The following NHSL1 variants were observed in gnomAD, a reference collection of about 807,000 sequenced individuals.
NHSL1 encodes NHS like 1, also known as NHS-like protein 1.
NHSL1 carries 48 observed loss-of-function variants against 95.0 expected under a neutral mutation model. The observed-to-expected ratio is 0.51, with a 90% CI of 0.40 to 0.64. The LOEUF (loss-of-function observed/expected upper bound fraction) is 0.64. Ranked by LOEUF, NHSL1 falls within the 30% of genes least tolerant of loss-of-function variation. The pLI is 0.00. For synonymous variants in NHSL1, 783 were observed against 833.9 expected, an observed-to-expected ratio of 0.94 and a Z score of 1.05; for missense variants, 1,971 against 2,077.7, an observed-to-expected ratio of 0.95 and a Z score of 1.00.
chr6:138,435,712 G>GT lies in NHSL1; in HGVS notation c.665-2033dup, dbSNP rs57274796. ...TTATTGTGCATTGCAGATAACTGGG[G>GT]TTTTTTTTTTTGTTTTTTTGTTTTT... On this transcript the variant is annotated intron_variant, in intron 5 of 7. Transcript: ENST00000343505. Among the ~76,000 whole-genome samples, 467 of 141,148 alleles carry GT rather than the reference G, an allele frequency of 3.3e-3. 1 individual carries two copies. Among genetic ancestry groups the GT allele is most frequent in the South Asian group, 8.5e-3 (37 of 4,376 alleles). 92.6% of individuals were successfully genotyped at this position (141,148 alleles called of 152,430 possible).
intron 1 of NHSL1, among the ~76,000 whole-genome samples, chr6:138,668,844 A>T (rs1398834177): frequency 6.6e-6 from 1 of 152,018 alleles, no homozygotes; most frequent in Non-Finnish European, 1.5e-5. Context: ...GGATGGTCTC[A>T]ATCTCCTGAC....
At chr6:138,551,176 T>C (rs529409436) in intron 1 of NHSL1, among the ~76,000 whole-genome samples, 1 of 152,328 alleles carries the variant, frequency 6.6e-6, no homozygotes, top group East Asian at 1.9e-4. Context: ...TAGGTATGGA[T>C]GTATAAGAAA....
At chr6:138,614,484 T>C (rs1029836940) in intron 1 of NHSL1, among the ~76,000 whole-genome samples, 3 of 152,190 alleles carry the variant, frequency 2.0e-5, no homozygotes, top group Non-Finnish European at 2.9e-5. Context: ...TGCAGCTGCA[T>C]AGTAACTCAA....
At chr6:138,502,518 T>C (rs1780742826), upstream of NHSL1, among the ~76,000 whole-genome samples, 1 of 152,206 alleles carries the variant, frequency 6.6e-6, no homozygotes, top group East Asian at 1.9e-4. Context: ...GGTACTATGT[T>C]GCCCGGCTGT....
chr6:138,640,003 A>C (rs1374220614), intron 1 of NHSL1, among the ~76,000 whole-genome samples: 1 of 151,900 alleles, frequency 6.6e-6, no homozygotes, highest in Non-Finnish European at 1.5e-5. Flanking sequence ...CACAGACTAT[A>C]ATCTCATGGA....
intron 1 of NHSL1, among the ~76,000 whole-genome samples, chr6:138,534,953 A>G (rs1367675740): frequency 6.6e-6 from 1 of 152,226 alleles, no homozygotes; most frequent in East Asian, 1.9e-4. Flanking sequence ...CTTAGAAAAC[A>G]GACTTTCTCC....
intron 1 of NHSL1, among the ~76,000 whole-genome samples, chr6:138,684,820 C>T (rs991133492): frequency 1.3e-5 from 2 of 152,202 alleles, no homozygotes; most frequent in East Asian, 1.9e-4. Flanking sequence ...AACAAGATGG[C>T]GGTCAGTACC....
chr6:138,691,061 C>A (rs1346889216), intron 1 of NHSL1, among the ~76,000 whole-genome samples: 1 of 152,198 alleles, frequency 6.6e-6, no homozygotes, highest in Admixed American at 6.5e-5. Flanking sequence ...CGTACCTACA[C>A]CCTAGACAGA....
Position 138,437,293 on chromosome 6 carries a change from A to G in NHSL1, c.665-3613T>C, listed in dbSNP as rs1321506674. 3.3e-5 allele frequency among the ~76,000 whole-genome samples: 4 copies of G among 120,474 alleles called. No individual in the cohort carries two copies. In the East Asian group the frequency reaches 9.3e-4, roughly 28 times the overall value. The allele number at this position is 120,474 out of a possible 152,430, so 79.0% of individuals were successfully genotyped here. The stretch of plus-strand genomic sequence containing the variant: ...CTGTCTCAAAAAAAAAAAATACACA[A>G]ATGTATATATATATATATATATATA... On this transcript the variant is annotated intron_variant, in intron 5 of 7. Coordinates refer to ENST00000343505, the MANE Select transcript of NHSL1 (RefSeq NM_001144060.2).
intron 2 of NHSL1, among the ~76,000 whole-genome samples, chr6:138,480,325 T>C (rs1779339644): frequency 6.6e-6 from 1 of 152,230 alleles, no homozygotes; most frequent in South Asian, 2.1e-4. Context: ...AGTATTGTAT[T>C]TTCCATTCGC....
At chr6:138,455,744 T>C (rs549820405) in intron 3 of NHSL1, among the ~76,000 whole-genome samples, 200 of 58,764 alleles carry the variant, frequency 3.4e-3, no homozygotes, top group African/African-American at 6.9e-3. Context: ...TGTACCCCGA[T>C]GAACAAGCTA....
intron 1 of NHSL1, among the ~76,000 whole-genome samples, chr6:138,691,555 C>T (rs1224591570): frequency 1.7e-4 from 26 of 152,184 alleles, no homozygotes; most frequent in Admixed American, 1.7e-3. Context: ...GCGTGTGTTA[C>T]ATCAACATCT....
chr6:138,496,482 G>C (rs1583303937), intron 1 of NHSL1, 111 bp from the exon 2 acceptor site: 1 of 948,358 alleles, frequency 1.1e-6, no homozygotes, highest in East Asian at 2.6e-5. Context: ...GGCCAGCAAG[G>C]GAGCAATGGA....
chr6:138,454,501 A>C (rs1435214203), intron 3 of NHSL1, among the ~76,000 whole-genome samples: 1 of 137,858 alleles, frequency 7.3e-6, no homozygotes, highest in Non-Finnish European at 1.5e-5. Flanking sequence ...TACAGTCATT[A>C]CTGGGGGAAA....
intron 1 of NHSL1, among the ~76,000 whole-genome samples, chr6:138,562,251 T>C (rs954030159): frequency 6.6e-6 from 1 of 152,200 alleles, no homozygotes; most frequent in Non-Finnish European, 1.5e-5. Context: ...TACCCATAGT[T>C]CACAACGCTA....
chr6:138,638,243 T>C (rs1000677947), intron 1 of NHSL1, among the ~76,000 whole-genome samples: 11 of 152,110 alleles, frequency 7.2e-5, no homozygotes, highest in Non-Finnish European at 1.0e-4. Context: ...TGATGGTTAA[T>C]AGGTATAAAA....
chr6:138,639,978 C>T (rs1257576643), intron 1 of NHSL1, among the ~76,000 whole-genome samples: 7 of 148,054 alleles, frequency 4.7e-5, no homozygotes, highest in Middle Eastern at 3.5e-3. Context: ...TTTCAAAATT[C>T]TCATCATCGT....
intron 1 of NHSL1, among the ~76,000 whole-genome samples, chr6:138,614,893 T>C (rs1298103809): frequency 6.6e-6 from 1 of 152,132 alleles, no homozygotes; most frequent in East Asian, 1.9e-4. Flanking sequence ...TGAGTTGAAA[T>C]ACTTTCATCC....
chr6:138,602,823 G>C (rs1784388929), intron 1 of NHSL1, among the ~76,000 whole-genome samples: 2 of 152,172 alleles, frequency 1.3e-5, no homozygotes. Context: ...ATTGGTAGGT[G>C]TAAGTGTTTA....
Sources: allele counts gnomAD v4.1 joint callset (sites outside exome capture counted in the v4.1 genomes callset), GRCh38; gene constraint gnomAD v4.1.1; transcripts MANE v1.5; gene names NCBI Gene and HGNC (gene_info 2026-07-23, HGNC 2026-07-21).